The following PDZD9 variants were observed in gnomAD, a reference collection of about 807,000 sequenced individuals.
PDZD9 encodes the protein PDZ domain-containing protein 9.
A neutral mutation model predicts 16.3 loss-of-function variants in PDZD9; 13 were observed. The ratio of observed to expected loss-of-function variants is 0.80; its 90% CI spans 0.52 to 1.27. PDZD9 has a LOEUF of 1.27. Among genes scored for constraint, PDZD9 ranks in the 50% most tolerant of loss-of-function variants. The pLI is 0.00. For synonymous variants in PDZD9, 120 were observed against 111.0 expected (o/e 1.08, Z -0.51); for missense variants, 288 against 310.9 (o/e 0.93, Z 0.55).
intron 2 of PDZD9, among the ~76,000 whole-genome samples, chr16:21,991,561 G>A (rs1415742321): frequency 1.3e-5 from 2 of 152,136 alleles, no homozygotes; most frequent in African/African-American, 2.4e-5. Context: ...GACTTAGAAT[G>A]TCAGAATCTG....
At chr16:21,986,868 A>C (rs1214586373) in intron 3 of PDZD9, among the ~76,000 whole-genome samples, 1 of 152,208 alleles carries the variant, frequency 6.6e-6, no homozygotes, top group African/African-American at 2.4e-5. Flanking sequence ...CTGAAGAGCA[A>C]AGTTACAAAC....
At chr16:21,965,323 T>C in the PDZD9 span, 1 of 1,313,822 alleles carries the variant, frequency 7.6e-7, no homozygotes, top group Non-Finnish European at 1.1e-6. Context: ...ACCAAATTTG[T>C]ATAGGCTTGT....
At chr16:21,981,546 G>T (rs961375623), downstream of PDZD9, among the ~76,000 whole-genome samples, 1 of 152,024 alleles carries the variant, frequency 6.6e-6, no homozygotes, top group Non-Finnish European at 1.5e-5. Context: ...TTGAGCCCAG[G>T]AGTTCAATAC....
At chr16:21,960,148 G>A in the PDZD9 span, among the ~76,000 whole-genome samples, 26 of 152,162 alleles carry the variant, frequency 1.7e-4, no homozygotes, top group African/African-American at 5.6e-4. Flanking sequence ...TGTCCTGGAC[G>A]GCATCTTCCA....
the PDZD9 span, chr16:21,971,474 T>C: frequency 1.4e-6 from 2 of 1,406,086 alleles, no homozygotes. Context: ...ATTTTACGAT[T>C]GTGTTTTAGT....
the PDZD9 span, chr16:21,971,871 C>T: frequency 4.4e-6 from 7 of 1,606,442 alleles, no homozygotes; most frequent in East Asian, 1.6e-4. Context: ...AGAATGAAAC[C>T]AATGGTGAAC....
At chr16:21,966,888 CTAGT>C in the PDZD9 span, among the ~76,000 whole-genome samples, 1 of 152,134 alleles carries the variant, frequency 6.6e-6, no homozygotes, top group Admixed American at 6.5e-5. Flanking sequence ...CATTAGGGAA[CTAGT>C]TAAATAACTT....
chr16:21,989,161 G>T (rs1898962238), intron 2 of PDZD9, among the ~76,000 whole-genome samples: 1 of 151,548 alleles, frequency 6.6e-6, no homozygotes, highest in African/African-American at 2.4e-5. Context: ...TCAAACTCCT[G>T]ACCTCAGGTG....
chr16:21,963,636 A>G, the PDZD9 span, among the ~76,000 whole-genome samples: 1 of 151,476 alleles, frequency 6.6e-6, no homozygotes, highest in Non-Finnish European at 1.5e-5. Flanking sequence ...GCTAATTTTT[A>G]TTTTTATTTT....
At chr16:21,975,191 G>T in the PDZD9 span, among the ~76,000 whole-genome samples, 1 of 152,160 alleles carries the variant, frequency 6.6e-6, no homozygotes, top group Non-Finnish European at 1.5e-5. Context: ...AAGGGAGTTG[G>T]GAGCATTGGC....
the PDZD9 span, among the ~76,000 whole-genome samples, chr16:21,969,360 C>T: frequency 6.6e-6 from 1 of 152,066 alleles, no homozygotes; most frequent in Non-Finnish European, 1.5e-5. Flanking sequence ...ATGGCGAAAC[C>T]CCGTCTCTAC....
the PDZD9 span, among the ~76,000 whole-genome samples, chr16:21,961,628 AT>A: frequency 3.5e-5 from 1 of 28,640 alleles, no homozygotes; most frequent in South Asian, 1.9e-3. Flanking sequence ...CATAAAATTT[AT>A]ATATATATAT....
chr16:21,977,140 G>T, the PDZD9 span, among the ~76,000 whole-genome samples: 1 of 152,066 alleles, frequency 6.6e-6, no homozygotes, highest in Non-Finnish European at 1.5e-5. Context: ...GATCACTTGA[G>T]GCCAGGAGTT....
chr16:21,982,193 C>T (rs1246112631), downstream of PDZD9, among the ~76,000 whole-genome samples: 4 of 151,892 alleles, frequency 2.6e-5, 1 homozygote, highest in South Asian at 4.2e-4. Flanking sequence ...TCATTATGTG[C>T]GTCCCAACCC....
the PDZD9 span, among the ~76,000 whole-genome samples, chr16:21,975,039 A>G: frequency 2.0e-5 from 3 of 152,240 alleles, no homozygotes; most frequent in Non-Finnish European, 2.9e-5. Context: ...ACAAATTCAT[A>G]GTACAGTCAG....
chr16:21,973,881 C>T, the PDZD9 span: 1 of 1,610,736 alleles, frequency 6.2e-7, no homozygotes, highest in South Asian at 1.1e-5. Context: ...ACAGTAAAGT[C>T]TCATTATCTT....
chr16:21,961,711 G>C, the PDZD9 span, among the ~76,000 whole-genome samples: 8 of 138,992 alleles, frequency 5.8e-5, no homozygotes, highest in African/African-American at 1.8e-4. Flanking sequence ...GAGTGCAGTG[G>C]CATGATCTTG....
downstream of PDZD9, chr16:21,980,498 A>T (rs747364488): frequency 3.2e-6 from 5 of 1,586,250 alleles, no homozygotes; most frequent in Non-Finnish European, 4.3e-6. Context: ...CAGAAAAAAA[A>T]AATAATTGCC....
At chr16:21,996,237 T>C in intron 2 of PDZD9, 85 bp downstream of exon 2, 2 of 1,394,374 alleles carry the variant, frequency 1.4e-6, no homozygotes, top group Non-Finnish European at 1.9e-6. Flanking sequence ...ATCCTTATAG[T>C]TACACTGAAA....
Sources: allele counts gnomAD v4.1 joint callset (sites outside exome capture counted in the v4.1 genomes callset), GRCh38; gene constraint gnomAD v4.1.1; transcripts MANE v1.5; gene names NCBI Gene and HGNC (gene_info 2026-07-23, HGNC 2026-07-21).